The following FGF8 variants were observed in gnomAD, a reference collection of about 807,000 sequenced individuals.
FGF8 encodes the protein fibroblast growth factor 8.
A neutral mutation model predicts 29.7 loss-of-function variants in FGF8; 12 were observed. The ratio of observed to expected loss-of-function variants is 0.40; its 90% CI spans 0.26 to 0.65. The LOEUF (loss-of-function observed/expected upper bound fraction) is 0.65. Ranked by LOEUF, FGF8 falls within the 30% of genes least tolerant of loss-of-function variation. The pLI is 0.37. For missense variants in FGF8, 271 were observed against 345.1 expected, an observed-to-expected ratio of 0.79 and a Z score of 1.70; for synonymous variants, 157 against 144.4, an observed-to-expected ratio of 1.09 and a Z score of -0.63.
At position 101,775,533 on chromosome 10, in the gene FGF8, G is replaced by T; in HGVS notation, c.69+207C>A. 1.6e-6 allele frequency: 1 copy of T among 621,000 alleles called. No individual in the cohort carries two copies. The highest frequency in any genetic ancestry group is 2.8e-6 in the Non-Finnish European group (1 of 354,522). The allele number at this position is 621,000 out of a possible 1,614,324, so 38.5% of individuals were successfully genotyped here. On this transcript the variant is annotated intron_variant, in intron 2 of 5. Coordinates refer to ENST00000320185, the MANE Select transcript of FGF8 (RefSeq NM_033163.5). The surrounding 1 kb of genome is among the most constrained non-coding windows in gnomAD (Gnocchi z 4.6). Reference sequence around the variant, plus strand: ...CTCCGAGACCTTCGTTTCTATCCTGGCCACTCACTCGCTGTGTGACCTCAG... The same window carrying T: ...CTCCGAGACCTTCGTTTCTATCCTGTCCACTCACTCGCTGTGTGACCTCAG...
chr10:101,772,857 C>T lies in FGF8; in HGVS notation c.338-1288G>A, dbSNP rs781351592. Among the ~76,000 whole-genome samples, 46 of 152,194 alleles carry T rather than the reference C, an allele frequency of 3.0e-4. No homozygotes were observed. Among genetic ancestry groups the T allele is most frequent in the Admixed American group, 5.2e-4 (8 of 15,284 alleles). On this transcript the variant is annotated intron_variant, in intron 4 of 5. Coordinates refer to ENST00000320185, the MANE Select transcript of FGF8 (RefSeq NM_033163.5). This position sits in a 1 kb window ranked among gnomAD's most constrained non-coding sequence, Gnocchi z 4.4. ...TGCAGCTGTCACCTCCCTGCCTGCC[C>T]ACCTCCTCCTGGACCTAGCCAGTCT...
chr10:101,776,406 C>T (rs1273491296), upstream of FGF8, among the ~76,000 whole-genome samples: 2 of 151,382 alleles, frequency 1.3e-5, no homozygotes, highest in African/African-American at 4.8e-5. Flanking sequence ...GGGCGCCTCC[C>T]CCTATCCCCG....
chr10:101,776,594 A>C (rs542520126), upstream of FGF8, among the ~76,000 whole-genome samples: 53 of 151,930 alleles, frequency 3.5e-4, no homozygotes, highest in African/African-American at 1.3e-3. Context: ...CCGGCTACGC[A>C]GTGGTCTCCG....
chr10:101,775,275 T>A lies in FGF8; in HGVS notation c.70-59A>T. ...AGCCCTCCCCGACCCCTGACATTTA[T>A]AAAGACAAATTTACGGAGCAAATGT... On this transcript the variant is annotated intron_variant, in intron 2 of 5. Transcript: ENST00000320185. This position sits in a 1 kb window ranked among gnomAD's most constrained non-coding sequence, Gnocchi z 4.6. The A allele has an allele frequency of 1.7e-6, 2 of 1,211,376 alleles. No individual in the cohort carries two copies. Among genetic ancestry groups the A allele is most frequent in the Non-Finnish European group, 2.4e-6 (2 of 846,236 alleles). The allele number at this position is 1,211,376 out of a possible 1,614,324, so 75.0% of individuals were successfully genotyped here. A position where few individuals can be genotyped will look rare whatever the true frequency, so the allele number is the denominator to read the frequency against.
chr10:101,776,337 A>AGGGTCTGGGCTAGGGGAG (rs1161122368), upstream of FGF8, among the ~76,000 whole-genome samples: 2 of 40,810 alleles, frequency 4.9e-5, no homozygotes, highest in Non-Finnish European at 9.9e-5. Context: ...TTCGGGATTG[A>AGGGTCTGGGCTAGGGGAG]GGGTCTGGGC....
Position 101,771,347 on chromosome 10 carries a change from C to A in FGF8, c.444+116G>T. 2.6e-6 allele frequency: 2 copies of A among 779,214 alleles called. No individual in the cohort carries two copies. The highest frequency in any genetic ancestry group is 2.8e-5 in the South Asian group (2 of 71,402). 48.3% of individuals were successfully genotyped at this position (779,214 alleles called of 1,614,324 possible). On this transcript the variant is annotated intron_variant, in intron 5 of 5. Transcript: ENST00000320185. The surrounding 1 kb of genome is among the most constrained non-coding windows in gnomAD (Gnocchi z 5.3). ...ATCGTGAGGTAACCCCAAGATGGCC[C>A]TGTGGCCTTCTGCCTACCTTGTTGG...
rs2065041412 is a variant in FGF8 at position 101,772,700 on chromosome 10, G to A, written c.338-1131C>T. Among the ~76,000 whole-genome samples, 2 of 152,174 alleles carry A rather than the reference G, an allele frequency of 1.3e-5. No homozygotes were observed. The highest frequency in any genetic ancestry group is 4.8e-5 in the African/African-American group (2 of 41,436). On this transcript the variant is annotated intron_variant, in intron 4 of 5. Transcript: ENST00000320185. The surrounding 1 kb of genome is among the most constrained non-coding windows in gnomAD (Gnocchi z 4.4). ...CACCTCCTCTGTCCCTGAAACCCAT[G>A]GCAGGGGTTTGGGGCATCGAGGTCA...
upstream of FGF8, among the ~76,000 whole-genome samples, chr10:101,777,031 G>A (rs940877408): frequency 1.8e-4 from 27 of 152,108 alleles, no homozygotes; most frequent in African/African-American, 5.8e-4. Context: ...CTGGGGGAAG[G>A]GACTTCCATC....
Position 101,775,226 on chromosome 10 carries a change from C to A in FGF8, c.70-10G>T. The A allele has an allele frequency of 6.5e-7, 1 of 1,544,122 alleles. No individual in the cohort carries two copies. The highest frequency in any genetic ancestry group is 8.7e-7 in the Non-Finnish European group (1 of 1,143,752). ...CCCTGCCCGGGCCTTCCTAGAGGAG[C>A]AGGGCGCTTTTAAGTAGGGAGGCAG... On this transcript the variant is annotated splice_polypyrimidine_tract_variant and intron_variant, in intron 2 of 5. Transcript: ENST00000320185. The surrounding 1 kb of genome is among the most constrained non-coding windows in gnomAD (Gnocchi z 4.6).
Position 101,774,784 on chromosome 10 carries a change from C to A in FGF8, c.285G>T (p.Gln95His). ...LYSRTSGKHV[Q>H]VLANKRINAM... ...CGTTGATGCGCTTGTTGGCCAGGAC[C>A]TGCACGTGCTTCCCGCTGGTGCGGC... Residue 95 changes from glutamine (Q) to histidine (H), a missense_variant, in exon 4 of 6, where the codon CAG (glutamine) becomes CAT (histidine). Physicochemically the swap from Gln to His is conservative, Grantham distance 24. Around this residue, in one of 3 missense-constraint regions of FGF8, gnomAD observed 168 missense variants for 207.0 expected, o/e 0.81. Transcript: ENST00000320185. The A allele has an allele frequency of 6.2e-7, 1 of 1,611,558 alleles. No individual in the cohort carries two copies. The highest frequency in any genetic ancestry group is 8.5e-7 in the Non-Finnish European group (1 of 1,180,000).
chr10:101,771,532 T>A lies in FGF8; in HGVS notation c.375A>T (p.Arg125Ser). 1 of 1,614,244 alleles carries A rather than the reference T, an allele frequency of 6.2e-7. No homozygotes were observed. Among genetic ancestry groups the A allele is most frequent in the Non-Finnish European group, 8.5e-7 (1 of 1,180,034 alleles). Residue 125 changes from arginine to serine, a missense_variant, in exon 5 of 6, where the codon AGA becomes AGT. Arg to Ser is a moderately radical substitution (Grantham distance 110). This residue lies in a region of FGF8 where 168 missense variants were observed against 207.0 expected (regional missense o/e 0.81). Coordinates refer to ENST00000320185, the MANE Select transcript of FGF8 (RefSeq NM_033163.5). The surrounding 1 kb of genome is among the most constrained non-coding windows in gnomAD (Gnocchi z 5.3). ...LIVETDTFGS[R>S]VRVRGAETGL... is the part of the protein sequence containing the mutation. ...CCGTCTCGGCTCCTCGGACTCGAAC[T>A]CTGCTTCCAAAGGTGTCCGTCTCCA... is the stretch of plus-strand genomic sequence containing the variant.
At position 101,771,485 on chromosome 10, in the gene FGF8, T is replaced by C; in HGVS notation, c.422A>G (p.Lys141Arg). The C allele has an allele frequency of 6.2e-7, 1 of 1,614,156 alleles. No homozygotes were observed. Among genetic ancestry groups the C allele is most frequent in the Non-Finnish European group, 8.5e-7 (1 of 1,179,970 alleles). Reference sequence around the variant, plus strand: ...CACCTTGGCGATCAGCTTCCCCTTCTTGTTCATGCAGATGTAGAGGCCCGT... The same window carrying C: ...CACCTTGGCGATCAGCTTCCCCTTCCTGTTCATGCAGATGTAGAGGCCCGT... ...AETGLYICMN[K>R]KGKLIAKSNG... The change falls in exon 5 of 6, where the codon AAG (lysine) becomes AGG (arginine). Residue 141 changes from lysine to arginine, a missense_variant. Around this residue, in one of 3 missense-constraint regions of FGF8, gnomAD observed 168 missense variants for 207.0 expected, o/e 0.81. Transcript: ENST00000320185. This position sits in a 1 kb window ranked among gnomAD's most constrained non-coding sequence, Gnocchi z 5.3.
chr10:101,777,164 C>T (rs955437494), upstream of FGF8, among the ~76,000 whole-genome samples: 3 of 152,150 alleles, frequency 2.0e-5, no homozygotes, highest in African/African-American at 7.2e-5. Flanking sequence ...AGAAGGTAGG[C>T]ACTTGTCTAA....
In FGF8 at chr10:101,771,118, G is replaced by A. The variant is rs545171972; in HGVS notation, c.444+345C>T. On this transcript the variant is annotated intron_variant, in intron 5 of 5. Coordinates refer to ENST00000320185, the MANE Select transcript of FGF8 (RefSeq NM_033163.5). This position sits in a 1 kb window ranked among gnomAD's most constrained non-coding sequence, Gnocchi z 5.3. ...CATTTCAGAGCTCGGCCGAGGGGCT[G>A]GGCCTGCGGCTTACTGAACATTCCA... Among the ~76,000 whole-genome samples the A allele has an allele frequency of 6.6e-6, 1 of 152,212 alleles. No individual in the cohort carries two copies. Among genetic ancestry groups the A allele is most frequent in the Non-Finnish European group, 1.5e-5 (1 of 68,038 alleles).
chr10:101,780,268 G>A (rs546598420), upstream of FGF8: 4 of 152,430 alleles, frequency 2.6e-5, no homozygotes, highest in African/African-American at 9.6e-5. Flanking sequence ...GAAGAGGGAG[G>A]TTGGAAACTG....
At position 101,774,726 on chromosome 10, in the gene FGF8, C is replaced by T. The variant is rs1374458259; in HGVS notation, c.337+6G>A. ...CATCCCACAAGCTACCTTCAGCGCG[C>T]CTTACCGAAGGGGTCGCCGTCCTCT... is the stretch of plus-strand genomic sequence containing the variant. On this transcript the variant is annotated splice_donor_region_variant and intron_variant, in intron 4 of 5. Coordinates refer to ENST00000320185, the MANE Select transcript of FGF8 (RefSeq NM_033163.5). 2 of 1,602,158 alleles carry T rather than the reference C, an allele frequency of 1.2e-6. No homozygotes were observed. The highest frequency in any genetic ancestry group is 1.7e-6 in the Non-Finnish European group (2 of 1,179,442).
chr10:101,774,593 C>T, intron 4 of FGF8, 139 bp downstream of exon 4: 1 of 711,786 alleles, frequency 1.4e-6, no homozygotes, highest in Non-Finnish European at 2.4e-6. Context: ...CCCTCTCTTC[C>T]CCAGCTGACC....
upstream of FGF8, among the ~76,000 whole-genome samples, chr10:101,779,334 A>G (rs931161098): frequency 6.6e-6 from 1 of 152,202 alleles, no homozygotes; most frequent in Non-Finnish European, 1.5e-5. This position sits in a 1 kb window ranked among gnomAD's most constrained non-coding sequence, Gnocchi z 5.7. Context: ...GCCCCCAAAT[A>G]GAAGCCTGCC....
rs769174862 is a variant in FGF8 at position 101,770,408 on chromosome 10, C to T, written c.656G>A (p.Arg219His). 9.3e-6 allele frequency: 15 copies of T among 1,607,432 alleles called. No individual in the cohort carries two copies. The East Asian group carries it at 2.0e-4, about 22-fold the overall frequency. ...RGHHTTEQSLRFEFLNYPPFT... is the reference protein window; with the variant it reads ...RGHHTTEQSLHFEFLNYPPFT... Reference sequence around the variant, plus strand: ...GGGCGGGTAGTTGAGGAACTCGAAGCGCAGGCTCTGCTCGGTGGTGTGGTG... The same window carrying T: ...GGGCGGGTAGTTGAGGAACTCGAAGTGCAGGCTCTGCTCGGTGGTGTGGTG... Residue 219 changes from arginine to histidine, a missense_variant, in exon 6 of 6, where the codon CGC becomes CAC. By Grantham distance (29) the Arg-to-His change is conservative. Around this residue, in one of 3 missense-constraint regions of FGF8, gnomAD observed 62 missense variants for 58.1 expected, o/e 1.07. Transcript: ENST00000320185.
Sources: gnomAD v4.1 joint callset for allele counts (sites outside exome capture counted in the v4.1 genomes callset) on GRCh38, gnomAD v4.1.1 for gene constraint, gnomAD v4.1.1 regional missense constraint, Gnocchi (gnomAD v3.1) non-coding constraint, MANE v1.5 for transcripts, NCBI Gene and HGNC (gene_info 2026-07-23, HGNC 2026-07-21) for gene names.